Variants in ASH1L observed in about 807,000 individuals in gnomAD.
ASH1L encodes the protein histone-lysine N-methyltransferase ASH1L.
ASH1L carries 23 observed loss-of-function variants against 269.0 expected under a neutral mutation model. That is an observed-to-expected ratio of 0.09 (90% confidence interval 0.06 to 0.12). ASH1L has a LOEUF of 0.12. Among genes scored for constraint, ASH1L ranks in the 10% least tolerant of loss-of-function variants. The pLI is 1.00. For synonymous variants in ASH1L, 1,187 were observed against 1,253.5 expected, an observed-to-expected ratio of 0.95 and a Z score of 1.12; for missense variants, 2,912 against 3,567.8, an observed-to-expected ratio of 0.82 and a Z score of 4.68.
chr1:155,409,700 A>T (rs1273941191), intron 6 of ASH1L, among the ~76,000 whole-genome samples: 1 of 152,192 alleles, frequency 6.6e-6, no homozygotes, highest in Non-Finnish European at 1.5e-5. Context: ...TCCAGGCCTC[A>T]AGTGATCCTC....
chr1:155,392,942 C>A (rs1658058097), intron 7 of ASH1L, among the ~76,000 whole-genome samples: 1 of 152,012 alleles, frequency 6.6e-6, no homozygotes, highest in African/African-American at 2.4e-5. Flanking sequence ...CCCACCTCAG[C>A]CTCCCAAAGT....
rs776234558 is a variant in ASH1L at position 155,349,382 on chromosome 1, T to C, written c.7499A>G (p.Tyr2500Cys). 2.5e-6 allele frequency: 4 copies of C among 1,614,192 alleles called. No homozygotes were observed. The highest frequency in any genetic ancestry group is 1.1e-5 in the South Asian group (1 of 91,084). ...TIEKQILTGY[Y>C]KTVEAFDADM... is the part of the protein sequence containing the mutation. ...AGCATCAAAAGCTTCCACTGTCTTATAGTAACCAGTGAGGATCTGCTTCTC... is the reference window on the plus strand; with the variant it reads ...AGCATCAAAAGCTTCCACTGTCTTACAGTAACCAGTGAGGATCTGCTTCTC... Residue 2500 changes from tyrosine (Y) to cysteine (C), a missense_variant, in exon 19 of 28, where the codon TAT becomes TGT. This residue lies in a region of ASH1L where 309 missense variants were observed against 435.1 expected (regional missense o/e 0.71). Transcript: ENST00000392403.
At chr1:155,420,374 A>C (rs534420804) in intron 5 of ASH1L, among the ~76,000 whole-genome samples, 5 of 150,114 alleles carry the variant, frequency 3.3e-5, no homozygotes, top group South Asian at 2.1e-4. Context: ...AAAAAAAAAA[A>C]AAAACAAAAA....
chr1:155,423,878 C>T (rs576613581), intron 5 of ASH1L, among the ~76,000 whole-genome samples: 1 of 152,184 alleles, frequency 6.6e-6, no homozygotes, highest in Non-Finnish European at 1.5e-5. Flanking sequence ...TACAGGCGCC[C>T]GCCACCACTC....
chr1:155,353,041 C>A (rs1654067143), intron 16 of ASH1L, among the ~76,000 whole-genome samples, 183 bp from the exon 17 acceptor site: 1 of 152,146 alleles, frequency 6.6e-6, no homozygotes, highest in African/African-American at 2.4e-5. Context: ...TTACTGGAGA[C>A]AAAATGCTGC....
chr1:155,488,212 T>C (rs1294197743), intron 2 of ASH1L, among the ~76,000 whole-genome samples: 1 of 151,986 alleles, frequency 6.6e-6, no homozygotes, highest in Non-Finnish European at 1.5e-5. Context: ...CTGAAATAAA[T>C]ATCTGAGAGA....
In ASH1L at chr1:155,438,721, T is replaced by C; in HGVS notation, c.5434A>G (p.Asn1812Asp). Residue 1812 changes from asparagine to aspartate, a missense_variant, in exon 5 of 28, where the codon AAT becomes GAT. Transcript: ENST00000392403. Reference sequence around the variant, plus strand: ...TTTGTGGCCAAGATTTTGTCGTAATTGCACATTTTCCGAGCTTGGCGTTGC... The same window carrying C: ...TTTGTGGCCAAGATTTTGTCGTAATCGCACATTTTCCGAGCTTGGCGTTGC... ...AMQRQARKMC[N>D]YDKILATKKN... 1 of 1,614,070 alleles carries C rather than the reference T, an allele frequency of 6.2e-7. No homozygotes were observed. The highest frequency in any genetic ancestry group is 8.5e-7 in the Non-Finnish European group (1 of 1,180,008).
intron 4 of ASH1L, chr1:155,440,479 T>C: frequency 1.4e-6 from 1 of 698,560 alleles, no homozygotes; most frequent in Non-Finnish European, 1.8e-6. Context: ...TACAGAGTAC[T>C]TGTTATTTAC....
chr1:155,428,881 C>T (rs1661385451), intron 5 of ASH1L, among the ~76,000 whole-genome samples: 1 of 152,120 alleles, frequency 6.6e-6, no homozygotes, highest in African/African-American at 2.4e-5. Flanking sequence ...AATCTCTGTT[C>T]GGGGCTCTCA....
chr1:155,361,710 C>T (rs1654967337), intron 12 of ASH1L, among the ~76,000 whole-genome samples: 1 of 148,916 alleles, frequency 6.7e-6, no homozygotes, highest in Admixed American at 6.7e-5. Context: ...TCTCAAAAAA[C>T]AAACAAACAA....
chr1:155,360,426 C>A lies in ASH1L; in HGVS notation c.6687-17G>T. 6.6e-7 allele frequency: 1 copy of A among 1,514,756 alleles called. No homozygotes were observed. The highest frequency in any genetic ancestry group is 2.3e-5 in the East Asian group (1 of 44,270). 93.8% of individuals were successfully genotyped at this position (1,514,756 alleles called of 1,614,324 possible). On this transcript the variant is annotated splice_polypyrimidine_tract_variant and intron_variant, in intron 12 of 27. Coordinates refer to ENST00000392403, the MANE Select transcript of ASH1L (RefSeq NM_018489.3). The stretch of plus-strand genomic sequence containing the variant: ...TTAACAGACCTGTAAAGAGAGAAAA[C>A]AGAGTTATAAAGGCTGGAAATTTTT...
At chr1:155,521,688 TA>T in intron 1 of ASH1L, 70 bp from the exon 2 acceptor site, 1 of 539,826 alleles carries the variant, frequency 1.9e-6, no homozygotes, top group Non-Finnish European at 3.1e-6. Context: ...GTAATGGGTA[TA>T]GGGGAAGACA....
chr1:155,508,503 A>G (rs1389578099), intron 2 of ASH1L, among the ~76,000 whole-genome samples: 1 of 152,036 alleles, frequency 6.6e-6, no homozygotes, highest in Non-Finnish European at 1.5e-5. Flanking sequence ...GCCAGACATG[A>G]TGGCATTCAC....
rs374170158 is a variant in ASH1L, at chr1:155,390,114, G to A, written c.6103+5345C>T. 2.6e-5 allele frequency among the ~76,000 whole-genome samples: 4 copies of A among 152,162 alleles called. No individual in the cohort carries two copies. In the East Asian group the frequency reaches 5.8e-4, roughly 22 times the overall value. On this transcript the variant is annotated intron_variant, in intron 7 of 27. Transcript: ENST00000392403. ...CATTCAACATTTCACCATTAAGAAT[G>A]ATATTAGGCCAGGTGTGGTGGCTTA...
Position 155,338,294 on chromosome 1 carries a change from T to C in ASH1L, c.8598A>G (p.Gln2866=). The change falls in exon 27 of 28, where the codon CAA becomes CAG. Residue 2866 remains glutamine (Q), a synonymous_variant. Coordinates refer to ENST00000392403, the MANE Select transcript of ASH1L (RefSeq NM_018489.3). ...LPLIEEVLAS[Q]EQAANEIPSL... ...TGGGTATCTCATTGGCTGCTTGCTC[T>C]TGACTGGCTAGAACCTCTTCAATCA... The C allele has an allele frequency of 6.2e-7, 1 of 1,614,122 alleles. No individual in the cohort carries two copies. The highest frequency in any genetic ancestry group is 8.5e-7 in the Non-Finnish European group (1 of 1,180,012).
intron 4 of ASH1L, among the ~76,000 whole-genome samples, chr1:155,440,005 A>G (rs894651605): frequency 1.3e-5 from 2 of 151,394 alleles, no homozygotes; most frequent in East Asian, 1.9e-4. Context: ...CCCTTGTCTC[A>G]ATTTGATATT....
chr1:155,395,407 C>T, intron 7 of ASH1L, 52 bp downstream of exon 7: 4 of 1,326,754 alleles, frequency 3.0e-6, no homozygotes, highest in Non-Finnish European at 4.2e-6. Flanking sequence ...TCCCTCAAAC[C>T]CAGGAAATAC....
chr1:155,397,853 A>G (rs1436540693), intron 6 of ASH1L, among the ~76,000 whole-genome samples: 1 of 152,154 alleles, frequency 6.6e-6, no homozygotes, highest in African/African-American at 2.4e-5. Context: ...GAGCCACGGC[A>G]CCTGGCCAGG....
intron 3 of ASH1L, among the ~76,000 whole-genome samples, chr1:155,469,610 T>G (rs1664944332): frequency 6.6e-6 from 1 of 152,258 alleles, no homozygotes; most frequent in African/African-American, 2.4e-5. Context: ...ACCTCTCCTT[T>G]GAGCTACAGA....
Sources: allele counts gnomAD v4.1 joint callset (sites outside exome capture counted in the v4.1 genomes callset), GRCh38; gene constraint gnomAD v4.1.1; regional missense constraint gnomAD v4.1.1; transcripts MANE v1.5; gene names NCBI Gene and HGNC (gene_info 2026-07-23, HGNC 2026-07-21).